SPIDR: variants seen among roughly 807,000 people sequenced by gnomAD.
The protein encoded by SPIDR is scaffold protein involved in DNA repair.
A neutral mutation model predicts 104.6 loss-of-function variants in SPIDR; 93 were observed. The observed-to-expected ratio is 0.89, with a 90% CI of 0.75 to 1.06. The LOEUF is 1.06. Ranked by LOEUF, SPIDR falls within the 50% of genes least tolerant of loss-of-function variation. The probability of loss-of-function intolerance (pLI) is 0.00; values close to 1 mark genes in which losing one functional copy is unlikely to be tolerated. For missense variants in SPIDR, 1,154 were observed against 1,111.2 expected, an observed-to-expected ratio of 1.04 and a Z score of -0.55; for synonymous variants, 431 against 416.9, an observed-to-expected ratio of 1.03 and a Z score of -0.41.
chr8:47,594,199 A>C (rs1456940447), intron 8 of SPIDR, among the ~76,000 whole-genome samples: 16 of 137,320 alleles, frequency 1.2e-4, no homozygotes, highest in African/African-American at 4.6e-4. Context: ...GTCTCTACAA[A>C]AAAAAAAAAA....
intron 8 of SPIDR, among the ~76,000 whole-genome samples, chr8:47,535,051 A>T (rs1455959582): frequency 6.6e-6 from 1 of 152,176 alleles, no homozygotes; most frequent in Non-Finnish European, 1.5e-5. Context: ...TAGTTGAAAT[A>T]GACCAATTAC....
chr8:47,525,051 C>T (rs1253214087), intron 8 of SPIDR, among the ~76,000 whole-genome samples: 2 of 152,284 alleles, frequency 1.3e-5, no homozygotes, highest in East Asian at 1.9e-4. Flanking sequence ...AGTTCTGATC[C>T]GAGGCATTCT....
intron 5 of SPIDR, among the ~76,000 whole-genome samples, chr8:47,383,680 A>AT (rs1245246701): frequency 6.6e-6 from 1 of 152,104 alleles, no homozygotes; most frequent in African/African-American, 2.4e-5. Flanking sequence ...GGTTCTGTTG[A>AT]TTTATTTGCC....
chr8:47,278,539 A>G (rs1453623829), intron 1 of SPIDR, among the ~76,000 whole-genome samples: 3 of 151,862 alleles, frequency 2.0e-5, no homozygotes, highest in Admixed American at 6.6e-5. Flanking sequence ...TAGGCTGCTG[A>G]CTAATTTTTC....
chr8:47,398,982 A>G (rs1322741211), intron 6 of SPIDR, among the ~76,000 whole-genome samples: 2 of 152,234 alleles, frequency 1.3e-5, no homozygotes, highest in Non-Finnish European at 2.9e-5. Context: ...CGGCGTGACC[A>G]GGCAAAGCAG....
intron 8 of SPIDR, among the ~76,000 whole-genome samples, chr8:47,550,995 T>A (rs2090366196): frequency 6.6e-6 from 1 of 152,242 alleles, no homozygotes; most frequent in Admixed American, 6.5e-5. Flanking sequence ...TTGAATTTTG[T>A]CAAAGGCCTT....
intron 10 of SPIDR, among the ~76,000 whole-genome samples, chr8:47,626,853 A>G (rs1039492510): frequency 7.9e-5 from 12 of 152,296 alleles, no homozygotes; most frequent in Middle Eastern, 6.8e-3. Flanking sequence ...ATCTAGAACT[A>G]GAAATACCAT....
At chr8:47,503,399 T>G (rs926920085) in intron 8 of SPIDR, among the ~76,000 whole-genome samples, 4 of 152,172 alleles carry the variant, frequency 2.6e-5, no homozygotes, top group Admixed American at 6.5e-5. Context: ...AATGGCCTTC[T>G]TTGTCTCTTT....
intron 8 of SPIDR, among the ~76,000 whole-genome samples, chr8:47,475,351 A>G (rs886616637): frequency 2.6e-5 from 4 of 152,228 alleles, no homozygotes; most frequent in African/African-American, 9.6e-5. Context: ...AAAGATAGCA[A>G]AGATGTCTGG....
intron 7 of SPIDR, among the ~76,000 whole-genome samples, chr8:47,415,648 G>C (rs2064150930): frequency 6.6e-6 from 1 of 152,200 alleles, no homozygotes; most frequent in South Asian, 2.1e-4. Context: ...ACAGCAAGAA[G>C]AATCCAACTG....
Position 47,279,949 on chromosome 8 carries a change from G to T in SPIDR, c.121G>T (p.Ala41Ser), listed in dbSNP as rs1006068341. 2.5e-6 allele frequency: 4 copies of T among 1,614,012 alleles called. No individual in the cohort carries two copies. In the African/African-American group the frequency reaches 4.0e-5, roughly 16 times the overall value. The change falls in exon 2 of 20, where the codon GCA (alanine) becomes TCA (serine). Residue 41 changes from alanine (A) to serine (S), a missense_variant. Coordinates refer to ENST00000297423, the MANE Select transcript of SPIDR (RefSeq NM_001080394.4). Reference sequence around the variant, plus strand: ...AAGAGCAGGTCTCAGGACAGCAGGGGCAGCTGCCTCTCTCTCTGAAGCATG... The same window carrying T: ...AAGAGCAGGTCTCAGGACAGCAGGGTCAGCTGCCTCTCTCTCTGAAGCATG... The part of the protein sequence containing the change: ...VRRAGLRTAG[A>S]AASLSEAWLR...
chr8:47,400,265 G>T (rs917894308), intron 6 of SPIDR, among the ~76,000 whole-genome samples: 8 of 152,234 alleles, frequency 5.3e-5, no homozygotes, highest in Non-Finnish European at 1.0e-4. Context: ...AACAGAAGGT[G>T]GAGGGGACGT....
chr8:47,468,478 A>C (rs2075228192), intron 8 of SPIDR, among the ~76,000 whole-genome samples: 2 of 152,202 alleles, frequency 1.3e-5, no homozygotes, highest in African/African-American at 4.8e-5. Context: ...AGTAACAAAG[A>C]CAGTATAGTA....
intron 8 of SPIDR, among the ~76,000 whole-genome samples, chr8:47,452,272 G>A (rs1053959272): frequency 2.0e-5 from 3 of 151,918 alleles, no homozygotes; most frequent in Admixed American, 6.6e-5. Flanking sequence ...ATGAGAAAAC[G>A]AAACAAGCAA....
chr8:47,579,440 A>C (rs1247340447), intron 8 of SPIDR, among the ~76,000 whole-genome samples: 2 of 152,232 alleles, frequency 1.3e-5, no homozygotes, highest in African/African-American at 4.8e-5. Flanking sequence ...TATGGTAGTC[A>C]CTAGCCACAC....
chr8:47,697,117 G>C (rs1426378146), intron 11 of SPIDR, among the ~76,000 whole-genome samples: 2 of 151,914 alleles, frequency 1.3e-5, no homozygotes, highest in Non-Finnish European at 2.9e-5. Flanking sequence ...TTTTTTATAA[G>C]TGAGAACATG....
intron 8 of SPIDR, among the ~76,000 whole-genome samples, chr8:47,520,724 G>A (rs1216759688): frequency 6.6e-6 from 1 of 152,178 alleles, no homozygotes. Context: ...AAGTCATCAA[G>A]GTTAAATAAC....
intron 7 of SPIDR, among the ~76,000 whole-genome samples, chr8:47,414,835 A>G (rs1253043433): frequency 2.6e-5 from 4 of 152,182 alleles, no homozygotes; most frequent in Admixed American, 2.6e-4. Context: ...TTTCTGGGAT[A>G]AATGATCAAA....
chr8:47,456,610 T>G (rs564949677), intron 8 of SPIDR, among the ~76,000 whole-genome samples: 1 of 152,174 alleles, frequency 6.6e-6, no homozygotes, highest in Non-Finnish European at 1.5e-5. Flanking sequence ...TTCTCTTTTT[T>G]AAATTAATTT....
Sources: gnomAD v4.1 joint callset for allele counts (sites outside exome capture counted in the v4.1 genomes callset) on GRCh38, gnomAD v4.1.1 for gene constraint, MANE v1.5 for transcripts, NCBI Gene and HGNC (gene_info 2026-07-23, HGNC 2026-07-21) for gene names.